ATAD3B: variants seen among roughly 807,000 people sequenced by gnomAD.
ATAD3B encodes the protein ATPase family AAA domain containing 3B.
A neutral mutation model predicts 70.2 loss-of-function variants in ATAD3B; 59 were observed. That is an observed-to-expected ratio of 0.84 (90% CI 0.68 to 1.04). The LOEUF is 1.04. Among genes scored for constraint, ATAD3B ranks in the 50% least tolerant of loss-of-function variants. The probability of loss-of-function intolerance (pLI) is 0.00; values close to 1 mark genes in which losing one functional copy is unlikely to be tolerated. For synonymous variants in ATAD3B, 423 were observed against 388.6 expected, an observed-to-expected ratio of 1.09 and a Z score of -1.04; for missense variants, 961 against 913.4, an observed-to-expected ratio of 1.05 and a Z score of -0.67.
chr1:1,490,398 T>C lies in ATAD3B; in HGVS notation c.1479T>C (p.Val493=), dbSNP rs747477787. 7.4e-6 allele frequency: 12 copies of C among 1,613,304 alleles called. No individual in the cohort carries two copies. In the Middle Eastern group the frequency reaches 4.9e-4, roughly 66 times the overall value. ...RLVRLHFDNC[V]LKPATEGKRR... is the part of the protein sequence containing the mutation. Reference sequence around the variant, plus strand: ...TGAGACTGCATTTTGACAACTGTGTTCTTAAGCCGGCCACAGAAGGAAAAC... The same window carrying C: ...TGAGACTGCATTTTGACAACTGTGTCCTTAAGCCGGCCACAGAAGGAAAAC... The change falls in exon 14 of 16, where the codon GTT becomes GTC. Residue 493 remains valine, a synonymous_variant. Coordinates refer to ENST00000673477, the MANE Select transcript of ATAD3B (RefSeq NM_031921.6).
chr1:1,493,571 C>A lies in ATAD3B; in HGVS notation c.1615-1914C>A, dbSNP rs1640638943. Among the ~76,000 whole-genome samples, 3 of 151,964 alleles carry A rather than the reference C, an allele frequency of 2.0e-5. No homozygotes were observed. The South Asian group carries it at 6.3e-4, about 32-fold the overall frequency. On this transcript the variant is annotated intron_variant, in intron 15 of 15. Transcript: ENST00000673477. ...ACGTCAGGTGACCTGCCCACCTCAG[C>A]CTCCCAAAGTGCTGGGATTACAGGT...
chr1:1,473,007 G>A (rs1357228396), intron 1 of ATAD3B, among the ~76,000 whole-genome samples: 1 of 148,700 alleles, frequency 6.7e-6, no homozygotes, highest in Non-Finnish European at 1.5e-5. Flanking sequence ...TGTATCTTTA[G>A]TAGAGACGGG....
chr1:1,480,781 T>C, intron 4 of ATAD3B, 86 bp from the exon 5 acceptor site: 1 of 1,578,760 alleles, frequency 6.3e-7, no homozygotes. Context: ...AGTTCTGTGG[T>C]CCTGGGGCGG....
rs958798209 is a variant in ATAD3B, at chr1:1,489,530, C to T, written c.1337+256C>T. ...TGCGCCGCCGCCCCAGCTTGCAGGT[C>T]CCTCTGCCCCTAGATTTCTGCGGTC... On this transcript the variant is annotated intron_variant, in intron 13 of 15. Coordinates refer to ENST00000673477, the MANE Select transcript of ATAD3B (RefSeq NM_031921.6). 14 of 970,574 alleles carry T rather than the reference C, an allele frequency of 1.4e-5. No individual in the cohort carries two copies. In the Admixed American group the frequency reaches 1.9e-4, roughly 13 times the overall value. 60.1% of individuals were successfully genotyped at this position (970,574 alleles called of 1,614,324 possible).
chr1:1,476,641 T>TA lies in ATAD3B; in HGVS notation c.206-632dup, dbSNP rs532126230. Reference sequence around the variant, plus strand: ...CTCCTGCCTCAGCCTCCTGAGTAGCTAGGACTACAAGTGCCCGCCGCCACG... The same window carrying TA: ...CTCCTGCCTCAGCCTCCTGAGTAGCTAAGGACTACAAGTGCCCGCCGCCACG... On this transcript the variant is annotated intron_variant, in intron 1 of 15. Coordinates refer to ENST00000673477, the MANE Select transcript of ATAD3B (RefSeq NM_031921.6). Among the ~76,000 whole-genome samples the TA allele has an allele frequency of 1.3e-3, 193 of 151,644 alleles. 3 individuals are homozygous for TA. Among genetic ancestry groups the TA allele is most frequent in the African/African-American group, 4.5e-3 (185 of 41,386 alleles).
rs142344996 is a variant in ATAD3B, at chr1:1,494,947, G to C, written c.1615-538G>C. ...GGGCTGCTGCACCTGAGGTGCCTAA[G>C]GCGACACCAAGGGCCACAGCCCCAG... On this transcript the variant is annotated intron_variant, in intron 15 of 15. Transcript: ENST00000673477. Among the ~76,000 whole-genome samples, 1,503 of 152,166 alleles carry C rather than the reference G, an allele frequency of 9.9e-3. 40 individuals are homozygous for C. The highest frequency in any genetic ancestry group is 0.035 in the African/African-American group (1,454 of 41,532).
chr1:1,494,011 T>C (rs1203242130), intron 15 of ATAD3B, among the ~76,000 whole-genome samples: 1 of 152,010 alleles, frequency 6.6e-6, no homozygotes, highest in Non-Finnish European at 1.5e-5. Flanking sequence ...GTTTTGTGAA[T>C]TCACATGTGA....
Position 1,486,575 on chromosome 1 carries a change from C to T in ATAD3B, c.1121C>T (p.Ala374Val), listed in dbSNP as rs768286643. 1.2e-6 allele frequency: 2 copies of T among 1,611,986 alleles called. No homozygotes were observed. Among genetic ancestry groups the T allele is most frequent in the Non-Finnish European group, 1.7e-6 (2 of 1,179,468 alleles). ...KLALHSGMDY[A>V]IMTGGDVAPM... ...GCCCTGCACTCAGGCATGGACTACG[C>T]CATCATGACAGGCGGGGACGTGGCC... Residue 374 changes from alanine to valine, a missense_variant, in exon 11 of 16, where the codon GCC becomes GTC. Physicochemically the swap from Ala to Val is moderately conservative, Grantham distance 64. Around this residue, in one of 4 missense-constraint regions of ATAD3B, gnomAD observed 349 missense variants for 307.5 expected, o/e 1.14. Transcript: ENST00000673477.
At position 1,480,015 on chromosome 1, in the gene ATAD3B, C is replaced by G. The variant is rs771131010; in HGVS notation, c.445-852C>G. On this transcript the variant is annotated intron_variant, in intron 4 of 15. Transcript: ENST00000673477. ...ACACGCACACCCCCTCACACATAGG[C>G]ACACATACACAACCCAGGCACACAC... 7.6e-5 allele frequency among the ~76,000 whole-genome samples: 11 copies of G among 144,932 alleles called. 1 individual carries two copies. The highest frequency in any genetic ancestry group is 1.4e-4 in the Admixed American group (2 of 14,310).
At chr1:1,472,898 A>G (rs1639402016) in intron 1 of ATAD3B, among the ~76,000 whole-genome samples, 1 of 151,776 alleles carries the variant, frequency 6.6e-6, no homozygotes, top group Non-Finnish European at 1.5e-5. Flanking sequence ...CAGTGGTGCG[A>G]TTTCGGCTCC....
chr1:1,501,544 C>T (rs141308888), downstream of ATAD3B, among the ~76,000 whole-genome samples: 283 of 152,206 alleles, frequency 1.9e-3, 1 homozygote, highest in East Asian at 0.022. Context: ...CGTGAGCCAC[C>T]GTGCCCGGCC....
intron 8 of ATAD3B, 75 bp from the exon 9 acceptor site, chr1:1,485,707 G>A: frequency 2.3e-5 from 37 of 1,596,042 alleles, no homozygotes; most frequent in Non-Finnish European, 3.1e-5. Flanking sequence ...GTGTTACCGA[G>A]CATGTGTGTG....
intron 8 of ATAD3B, 139 bp downstream of exon 8, chr1:1,485,310 G>A: frequency 7.1e-7 from 1 of 1,418,428 alleles, no homozygotes; most frequent in African/African-American, 1.4e-5. Context: ...TCACGGGTGG[G>A]TTTTCCTGTC....
At chr1:1,478,377 G>A (rs1358885541) in intron 2 of ATAD3B, 17 of 1,459,826 alleles carry the variant, frequency 1.2e-5, no homozygotes, top group Non-Finnish European at 1.5e-5. Flanking sequence ...GAGCTGCCCA[G>A]AAACAGCCTT....
intron 9 of ATAD3B, 79 bp from the exon 10 acceptor site, chr1:1,486,031 C>A: frequency 6.2e-7 from 1 of 1,605,794 alleles, no homozygotes; most frequent in Non-Finnish European, 8.5e-7. Flanking sequence ...AGTCCGCACC[C>A]GGGCATTCCC....
At position 1,485,065 on chromosome 1, in the gene ATAD3B, C is replaced by G. The variant is rs571357728; in HGVS notation, c.800C>G (p.Ala267Gly). 2.1e-5 allele frequency: 33 copies of G among 1,606,806 alleles called. No homozygotes were observed. In the East Asian group the frequency reaches 5.6e-4, roughly 27 times the overall value. The change falls in exon 8 of 16, where the codon GCG (alanine) becomes GGG (glycine). Residue 267 changes from alanine to glycine, a missense_variant. Physicochemically the swap from Ala to Gly is moderately conservative, Grantham distance 60. Coordinates refer to ENST00000673477, the MANE Select transcript of ATAD3B (RefSeq NM_031921.6). Reference protein sequence around the residue: ...LAVGVYSAKNATAVTGRFIEA... With the variant: ...LAVGVYSAKNGTAVTGRFIEA... ...GTCGGGGTCTACTCAGCCAAGAATG[C>G]GACAGCCGTCACTGGCCGCTTCATC...
At chr1:1,508,022 C>T in the ATAD3B span, among the ~76,000 whole-genome samples, 1 of 152,202 alleles carries the variant, frequency 6.6e-6, no homozygotes, top group Non-Finnish European at 1.5e-5. Context: ...CCCGTGCTTC[C>T]CAGAGGGGTG....
At chr1:1,500,561 A>C (rs1274999562), downstream of ATAD3B, among the ~76,000 whole-genome samples, 2 of 150,806 alleles carry the variant, frequency 1.3e-5, no homozygotes, top group African/African-American at 4.9e-5. Flanking sequence ...CTCAAAAAAA[A>C]AAAAAAATTA....
At chr1:1,480,719 G>A in intron 4 of ATAD3B, 148 bp from the exon 5 acceptor site, 3 of 1,431,474 alleles carry the variant, frequency 2.1e-6, no homozygotes, top group Middle Eastern at 2.4e-4. Flanking sequence ...TGTCACCCGT[G>A]TCTGTGTCAG....
Sources: allele counts gnomAD v4.1 joint callset (sites outside exome capture counted in the v4.1 genomes callset), GRCh38; gene constraint gnomAD v4.1.1; regional missense constraint gnomAD v4.1.1; transcripts MANE v1.5; gene names NCBI Gene and HGNC (gene_info 2026-07-23, HGNC 2026-07-21).